Variants in TNFSF4 observed in about 807,000 individuals in gnomAD.
TNFSF4 encodes the protein TNF superfamily member 4, also known as tumor necrosis factor ligand superfamily member 4.
In TNFSF4, 4 loss-of-function variants were observed where a neutral mutation model predicts 7.3. The ratio of observed to expected loss-of-function variants is 0.55; its 90% CI spans 0.27 to 1.25. The LOEUF (loss-of-function observed/expected upper bound fraction) is 1.25, where lower values mean the gene tolerates loss of function less well. Ranked by LOEUF, TNFSF4 falls within the 50% of genes most tolerant of loss-of-function variation. TNFSF4 has a pLI of 0.12. For synonymous variants in TNFSF4, 76 were observed against 83.7 expected (o/e 0.91, Z 0.50); for missense variants, 181 against 208.8 (o/e 0.87, Z 0.82).
chr1:173,269,728 G>T, the TNFSF4 span, among the ~76,000 whole-genome samples: 7 of 152,168 alleles, frequency 4.6e-5, no homozygotes, highest in East Asian at 7.7e-4. Context: ...CTTATGAATT[G>T]TTTATTTGTG....
the TNFSF4 span, among the ~76,000 whole-genome samples, chr1:173,345,763 A>G: frequency 6.6e-6 from 1 of 152,214 alleles, no homozygotes; most frequent in East Asian, 1.9e-4. Flanking sequence ...TTGGTTAAGG[A>G]GAGAGTCTCA....
chr1:173,175,039 C>A, the TNFSF4 span: 1 of 152,100 alleles, frequency 6.6e-6, no homozygotes, highest in South Asian at 2.1e-4. Context: ...AAGATCCTAT[C>A]GGGCAGGGAC....
the TNFSF4 span, among the ~76,000 whole-genome samples, chr1:173,264,321 T>A: frequency 7.4e-6 from 1 of 135,642 alleles, no homozygotes; most frequent in Admixed American, 7.7e-5. Flanking sequence ...CTTCTTCTTT[T>A]TTTTTTTTTT....
At chr1:173,314,294 C>T in the TNFSF4 span, among the ~76,000 whole-genome samples, 6 of 152,060 alleles carry the variant, frequency 3.9e-5, no homozygotes, top group Admixed American at 6.6e-5. Context: ...TTTATAATCA[C>T]GGTAAAAATT....
At chr1:173,405,553 T>C in the TNFSF4 span, among the ~76,000 whole-genome samples, 8 of 152,350 alleles carry the variant, frequency 5.3e-5, no homozygotes, top group Non-Finnish European at 5.9e-5. Flanking sequence ...GATGTTACTT[T>C]AAGTATATGA....
the TNFSF4 span, among the ~76,000 whole-genome samples, chr1:173,340,610 G>A: frequency 2.7e-4 from 41 of 152,060 alleles, no homozygotes; most frequent in African/African-American, 9.4e-4. Flanking sequence ...GAGATTGGTC[G>A]ACCTCAAGAA....
the TNFSF4 span, among the ~76,000 whole-genome samples, chr1:173,421,780 T>C: frequency 6.6e-5 from 10 of 152,282 alleles, no homozygotes; most frequent in Non-Finnish European, 1.2e-4. Context: ...AATACAACAG[T>C]CCATCCCAAT....
Position 173,188,529 on chromosome 1 carries a change from T to C in TNFSF4, c.194A>G (p.Gln65Arg), listed in dbSNP as rs776065893. The change falls in exon 2 of 3, where the codon CAA becomes CGA. Residue 65 changes from glutamine (Q) to arginine (R), a missense_variant. Transcript: ENST00000281834. ...RYPRIQSIKV[Q>R]FTEYKKEKGF... ...CTTTTGACAATACTTACCGGTAAAT[T>C]GTACTTTGATACTTTGAATTCGAGG... is the stretch of plus-strand genomic sequence containing the variant. 1.6e-5 allele frequency: 25 copies of C among 1,610,856 alleles called. No individual in the cohort carries two copies. In the South Asian group the frequency reaches 2.6e-4, roughly 17 times the overall value.
the TNFSF4 span, among the ~76,000 whole-genome samples, chr1:173,283,759 A>T: frequency 6.6e-6 from 1 of 152,142 alleles, no homozygotes. Context: ...AATGGTAAAC[A>T]TATAGGTAAA....
At chr1:173,217,996 G>A in the TNFSF4 span, among the ~76,000 whole-genome samples, 18 of 152,142 alleles carry the variant, frequency 1.2e-4, no homozygotes, top group African/African-American at 3.6e-4. Flanking sequence ...CAATCCTCCC[G>A]CCTCAGCCTG....
chr1:173,354,406 A>C, the TNFSF4 span, among the ~76,000 whole-genome samples: 1 of 152,204 alleles, frequency 6.6e-6, no homozygotes, highest in Non-Finnish European at 1.5e-5. Context: ...GAATTCTACT[A>C]GATGTACAAA....
At chr1:173,325,020 G>A in the TNFSF4 span, among the ~76,000 whole-genome samples, 2 of 152,278 alleles carry the variant, frequency 1.3e-5, no homozygotes, top group African/African-American at 4.8e-5. Context: ...GGACCTAAGA[G>A]ACATCTACAG....
chr1:173,203,684 C>A (rs1650045947), intron 1 of TNFSF4, among the ~76,000 whole-genome samples: 2 of 151,262 alleles, frequency 1.3e-5, no homozygotes, highest in Admixed American at 6.6e-5. Context: ...TTGTTCCCAG[C>A]TGAAAAAAAA....
downstream of TNFSF4, among the ~76,000 whole-genome samples, chr1:173,178,878 A>T (rs967533979): frequency 5.9e-5 from 9 of 152,148 alleles, no homozygotes; most frequent in Non-Finnish European, 1.2e-4. Flanking sequence ...ATTTTTTATA[A>T]GAGAGAGACA....
chr1:173,199,811 C>G (rs1040818047), intron 1 of TNFSF4, among the ~76,000 whole-genome samples: 1 of 151,722 alleles, frequency 6.6e-6, no homozygotes, highest in Admixed American at 6.6e-5. Flanking sequence ...ACTAGAAAGG[C>G]CTTGGGAGAT....
chr1:173,258,619 G>A, the TNFSF4 span, among the ~76,000 whole-genome samples: 1 of 152,166 alleles, frequency 6.6e-6, no homozygotes, highest in Non-Finnish European at 1.5e-5. Flanking sequence ...GAGTTCCCGG[G>A]GTGAGAGGAG....
the TNFSF4 span, among the ~76,000 whole-genome samples, chr1:173,263,167 A>G: frequency 0.022 from 3,344 of 152,372 alleles, 55 homozygotes; most frequent in Middle Eastern, 0.054. Context: ...TTCCATGCTC[A>G]TGAATAGGAA....
At chr1:173,406,994 C>A in the TNFSF4 span, among the ~76,000 whole-genome samples, 1 of 152,018 alleles carries the variant, frequency 6.6e-6, no homozygotes, top group African/African-American at 2.4e-5. Flanking sequence ...GAGACAGTAG[C>A]AATGGCAAGG....
the TNFSF4 span, among the ~76,000 whole-genome samples, chr1:173,445,636 C>T: frequency 1.3e-5 from 2 of 152,106 alleles, no homozygotes; most frequent in Non-Finnish European, 2.9e-5. Context: ...TTTTCCATCT[C>T]CACATAGCAC....
Sources: gnomAD v4.1 joint callset for allele counts (sites outside exome capture counted in the v4.1 genomes callset) on GRCh38, gnomAD v4.1.1 for gene constraint, MANE v1.5 for transcripts, NCBI Gene and HGNC (gene_info 2026-07-23, HGNC 2026-07-21) for gene names.